HPSE2: variants seen among roughly 807,000 people sequenced by gnomAD.
HPSE2 encodes heparanase 2 (inactive), also known as inactive heparanase-2.
A neutral mutation model predicts 60.5 loss-of-function variants in HPSE2; 38 were observed. The ratio of observed to expected loss-of-function variants is 0.63; its 90% CI spans 0.48 to 0.82. The LOEUF (loss-of-function observed/expected upper bound fraction) is 0.82, where lower values mean the gene tolerates loss of function less well. HPSE2 is among the 40% of genes least tolerant of loss of function. The pLI is 0.00. For synonymous variants in HPSE2, 295 were observed against 293.2 expected (o/e 1.01, Z -0.06); for missense variants, 713 against 740.4 (o/e 0.96, Z 0.43).
At chr10:99,134,665 A>C (rs1845572506) in intron 3 of HPSE2, among the ~76,000 whole-genome samples, 5 of 152,244 alleles carry the variant, frequency 3.3e-5, no homozygotes. Flanking sequence ...CAGACAAGTA[A>C]ATGATGAGAG....
At chr10:99,303,250 C>T in the HPSE2 span, among the ~76,000 whole-genome samples, 1 of 152,310 alleles carries the variant, frequency 6.6e-6, no homozygotes, top group African/African-American at 2.4e-5. Flanking sequence ...CTCTTACCAA[C>T]AGCCCTTTCA....
At chr10:98,960,735 AT>A (rs1192601127) in intron 3 of HPSE2, among the ~76,000 whole-genome samples, 922 of 48,358 alleles carry the variant, frequency 0.019, 13 homozygotes, top group African/African-American at 0.07. Flanking sequence ...TATTTTTTTT[AT>A]TTTATTTTTT....
At chr10:99,072,927 CAAA>C (rs770699941) in intron 3 of HPSE2, among the ~76,000 whole-genome samples, 268 of 87,792 alleles carry the variant, frequency 3.1e-3, no homozygotes, top group Non-Finnish European at 3.4e-3. Context: ...GGCTCCGTCT[CAAA>C]AAAAAAAAAA....
At chr10:99,077,742 C>T (rs1842996436) in intron 3 of HPSE2, among the ~76,000 whole-genome samples, 1 of 151,670 alleles carries the variant, frequency 6.6e-6, no homozygotes, top group Non-Finnish European at 1.5e-5. Flanking sequence ...GTGTGTACTA[C>T]ACACACACAA....
chr10:98,833,147 G>C (rs1290633958), intron 3 of HPSE2, among the ~76,000 whole-genome samples: 1 of 152,138 alleles, frequency 6.6e-6, no homozygotes, highest in Admixed American at 6.5e-5. Flanking sequence ...AAATAGTTAA[G>C]AATTAGACAG....
At chr10:98,841,010 T>G (rs1951899083) in intron 3 of HPSE2, among the ~76,000 whole-genome samples, 1 of 152,108 alleles carries the variant, frequency 6.6e-6, no homozygotes, top group Non-Finnish European at 1.5e-5. Flanking sequence ...GTTTGGTGGC[T>G]CACATGGGAG....
intron 3 of HPSE2, among the ~76,000 whole-genome samples, chr10:98,945,939 A>G (rs1196862552): frequency 1.3e-5 from 2 of 152,140 alleles, no homozygotes; most frequent in Non-Finnish European, 2.9e-5. Context: ...GAACCACACA[A>G]GTTTGAACTG....
chr10:98,880,749 C>A (rs1255108035), intron 3 of HPSE2, among the ~76,000 whole-genome samples: 2 of 152,054 alleles, frequency 1.3e-5, no homozygotes, highest in African/African-American at 4.8e-5. Flanking sequence ...GAGAAGGAGA[C>A]TTATTTTGCA....
rs1958197419 is a variant in HPSE2 at position 99,059,937 on chromosome 10, A to G, written c.610+84301T>C. ...CTTCACATAATTCAACATATATGAA[A>G]ATTTATAACAATATAAAATTCTATA... On this transcript the variant is annotated intron_variant, in intron 3 of 11. Transcript: ENST00000370552. Among the ~76,000 whole-genome samples the G allele has an allele frequency of 1.3e-5, 2 of 152,118 alleles. 1 individual carries two copies. The highest frequency in any genetic ancestry group is 4.1e-4 in the South Asian group (2 of 4,838).
chr10:98,763,394 A>C (rs1399119290), intron 3 of HPSE2, among the ~76,000 whole-genome samples: 2 of 152,088 alleles, frequency 1.3e-5, no homozygotes, highest in Admixed American at 1.3e-4. Flanking sequence ...AAACCCATAC[A>C]TACCCAGACA....
chr10:98,657,420 C>T (rs1947102360), intron 6 of HPSE2, among the ~76,000 whole-genome samples: 1 of 150,782 alleles, frequency 6.6e-6, no homozygotes, highest in Admixed American at 6.6e-5. Context: ...CAAACTCTAC[C>T]TCCTGGTTCA....
intron 3 of HPSE2, among the ~76,000 whole-genome samples, chr10:99,016,106 T>C (rs1957135128): frequency 6.6e-6 from 1 of 152,242 alleles, no homozygotes; most frequent in African/African-American, 2.4e-5. Context: ...TCATGAAATC[T>C]TTGCCTGTGC....
chr10:98,596,875 T>C (rs1229205724), intron 9 of HPSE2, among the ~76,000 whole-genome samples: 2 of 152,172 alleles, frequency 1.3e-5, no homozygotes, highest in Non-Finnish European at 2.9e-5. Flanking sequence ...ATTAATTCGT[T>C]CTCATACTGT....
chr10:99,069,411 CTCGCAGT>C, intron 3 of HPSE2, among the ~76,000 whole-genome samples: 2 of 152,014 alleles, frequency 1.3e-5, no homozygotes, highest in African/African-American at 4.8e-5. Context: ...AGAGCTAGAC[CTCGCAGT>C]TCTTAAATTA....
At chr10:99,278,405 T>C in the HPSE2 span, among the ~76,000 whole-genome samples, 1 of 152,174 alleles carries the variant, frequency 6.6e-6, no homozygotes, top group Non-Finnish European at 1.5e-5. Flanking sequence ...TGCCCTATCA[T>C]TGGCATGCAG....
chr10:98,599,157 T>TTGTCCCAGCACCAGGACAAAG (rs1945328302), intron 9 of HPSE2, among the ~76,000 whole-genome samples: 1 of 152,098 alleles, frequency 6.6e-6, no homozygotes, highest in Non-Finnish European at 1.5e-5. Flanking sequence ...GGGACTGGCT[T>TTGTCCCAGCACCAGGACAAAG]GGCACTGGGC....
At chr10:99,162,518 G>A (rs1259605730) in intron 2 of HPSE2, among the ~76,000 whole-genome samples, 1 of 152,124 alleles carries the variant, frequency 6.6e-6, no homozygotes, top group Non-Finnish European at 1.5e-5. Flanking sequence ...TGTCTTCAAT[G>A]CAGCCACTAC....
chr10:98,648,353 G>C (rs1402976731), intron 6 of HPSE2, among the ~76,000 whole-genome samples: 1 of 152,228 alleles, frequency 6.6e-6, no homozygotes, highest in African/African-American at 2.4e-5. Context: ...CAGGCTCTAG[G>C]GAGGGACCTC....
chr10:98,693,997 T>A (rs372935928), intron 5 of HPSE2, 50 bp from the exon 6 acceptor site: 2 of 1,379,272 alleles, frequency 1.5e-6, no homozygotes, highest in Non-Finnish European at 2.1e-6. Context: ...TTAAACCACA[T>A]CCCCTAAATC....
Sources: allele counts gnomAD v4.1 joint callset (sites outside exome capture counted in the v4.1 genomes callset), GRCh38; gene constraint gnomAD v4.1.1; transcripts MANE v1.5; gene names NCBI Gene and HGNC (gene_info 2026-07-23, HGNC 2026-07-21).